TAFA2: variants seen among roughly 807,000 people sequenced by gnomAD.
TAFA2 encodes chemokine-like protein TAFA-2.
TAFA2 carries 7 observed loss-of-function variants against 18.8 expected under a neutral mutation model. The ratio of observed to expected loss-of-function variants is 0.37; its 90% CI spans 0.21 to 0.70. The LOEUF (loss-of-function observed/expected upper bound fraction) is 0.70. TAFA2 is among the 30% of genes least tolerant of loss of function. TAFA2 has a pLI of 0.53. For missense variants in TAFA2, 122 were observed against 158.1 expected, an observed-to-expected ratio of 0.77 and a Z score of 1.23; for synonymous variants, 60 against 54.2, an observed-to-expected ratio of 1.11 and a Z score of -0.47.
At chr12:62,049,910 A>C (rs1882006884) in intron 1 of TAFA2, among the ~76,000 whole-genome samples, 1 of 152,208 alleles carries the variant, frequency 6.6e-6, no homozygotes, top group Non-Finnish European at 1.5e-5. Context: ...TGTTGCTACC[A>C]ATTGTCTATA....
At chr12:62,227,731 C>G (rs535641173) in intron 1 of TAFA2, among the ~76,000 whole-genome samples, 2 of 152,260 alleles carry the variant, frequency 1.3e-5, no homozygotes, top group East Asian at 1.9e-4. Flanking sequence ...CCAAAGTTTT[C>G]TTCTCATAGT....
At chr12:61,758,896 T>C (rs937305377) in intron 2 of TAFA2, among the ~76,000 whole-genome samples, 2 of 151,968 alleles carry the variant, frequency 1.3e-5, no homozygotes, top group African/African-American at 4.8e-5. Flanking sequence ...GGAAAGATGA[T>C]TAGGGCTTCT....
chr12:61,981,429 CA>C (rs1222825312), intron 1 of TAFA2, among the ~76,000 whole-genome samples: 1 of 152,162 alleles, frequency 6.6e-6, no homozygotes, highest in African/African-American at 2.4e-5. Context: ...ACAACAAAAG[CA>C]ATGGCAGTGA....
At chr12:62,045,895 G>A (rs1352379658) in intron 1 of TAFA2, among the ~76,000 whole-genome samples, 1 of 152,104 alleles carries the variant, frequency 6.6e-6, no homozygotes, top group Non-Finnish European at 1.5e-5. Context: ...CAAAAGACAG[G>A]AAAGAATACA....
chr12:62,003,783 T>C (rs1333420964), intron 1 of TAFA2, among the ~76,000 whole-genome samples: 1 of 152,250 alleles, frequency 6.6e-6, no homozygotes, highest in Admixed American at 6.5e-5. Flanking sequence ...GGCTAGTATA[T>C]AGATGTACAA....
At chr12:62,094,005 A>G (rs1009629097) in intron 1 of TAFA2, among the ~76,000 whole-genome samples, 1 of 152,064 alleles carries the variant, frequency 6.6e-6, no homozygotes, top group Non-Finnish European at 1.5e-5. Context: ...TGTAGCCTCC[A>G]GGGTGGCTAC....
chr12:61,861,416 AT>A (rs140861122), intron 2 of TAFA2, among the ~76,000 whole-genome samples: 2 of 151,498 alleles, frequency 1.3e-5, no homozygotes, highest in Non-Finnish European at 1.5e-5. Flanking sequence ...CACCTGGATA[AT>A]TTTTTTTAAT....
chr12:62,251,605 G>C (rs1189691596), intron 1 of TAFA2, among the ~76,000 whole-genome samples: 1 of 152,158 alleles, frequency 6.6e-6, no homozygotes, highest in Non-Finnish European at 1.5e-5. Flanking sequence ...AACACTTGTG[G>C]AAGAAAGGAA....
intron 2 of TAFA2, among the ~76,000 whole-genome samples, chr12:61,826,407 A>T (rs1872539117): frequency 1.3e-5 from 2 of 151,816 alleles, no homozygotes; most frequent in Admixed American, 1.3e-4. Flanking sequence ...TTGATGTAAA[A>T]TAGCTGGCAA....
intron 1 of TAFA2, among the ~76,000 whole-genome samples, chr12:62,125,454 C>T (rs529775267): frequency 2.7e-4 from 41 of 152,224 alleles, no homozygotes; most frequent in African/African-American, 6.3e-4. Flanking sequence ...CATTCACAGA[C>T]GAAGACACTC....
At chr12:61,770,990 C>T (rs1396000794) in intron 2 of TAFA2, among the ~76,000 whole-genome samples, 3 of 151,976 alleles carry the variant, frequency 2.0e-5, no homozygotes, top group African/African-American at 4.8e-5. Context: ...TATCTGCAGT[C>T]TTCAAGAGAC....
intron 2 of TAFA2, among the ~76,000 whole-genome samples, chr12:61,768,853 A>G (rs1040303815): frequency 1.3e-5 from 2 of 151,958 alleles, no homozygotes; most frequent in African/African-American, 4.8e-5. Flanking sequence ...ACAAATGGGG[A>G]GTGCACATAG....
intron 2 of TAFA2, among the ~76,000 whole-genome samples, chr12:61,814,063 T>C (rs1030564458): frequency 9.9e-5 from 15 of 151,464 alleles, no homozygotes; most frequent in Admixed American, 3.3e-4. Flanking sequence ...ATGCAAACAA[T>C]AAGCAGAATC....
chr12:61,720,529 G>A (rs1240313921), intron 4 of TAFA2, among the ~76,000 whole-genome samples: 2 of 152,060 alleles, frequency 1.3e-5, no homozygotes, highest in East Asian at 1.9e-4. Context: ...ATAATCCAAT[G>A]CCTTTCTTTA....
chr12:62,217,966 GTATTTATTTATTTATT>G (rs68172819), intron 1 of TAFA2, among the ~76,000 whole-genome samples: 24,388 of 127,448 alleles, frequency 0.19, 2,412 homozygotes, highest in East Asian at 0.35. Context: ...TTTTATGTAT[GTATTTATTTATTTATT>G]TATTTATTTA....
At chr12:62,182,223 T>C (rs1336315245) in intron 1 of TAFA2, among the ~76,000 whole-genome samples, 1 of 152,190 alleles carries the variant, frequency 6.6e-6, no homozygotes. Context: ...CTTGTATTAA[T>C]ATGTGAAAAA....
intron 1 of TAFA2, among the ~76,000 whole-genome samples, chr12:61,973,895 G>T (rs1382538341): frequency 4.0e-5 from 6 of 151,590 alleles, no homozygotes; most frequent in Non-Finnish European, 8.9e-5. Context: ...GAGAACCAGT[G>T]CTTTAAGCCA....
At chr12:61,756,766 C>T (rs1417955052) in intron 2 of TAFA2, among the ~76,000 whole-genome samples, 1 of 152,006 alleles carries the variant, frequency 6.6e-6, no homozygotes, top group Non-Finnish European at 1.5e-5. Context: ...TTTCAAGTGT[C>T]ACAGGAAACA....
chr12:61,713,216 C>G (rs1869494290), intron 4 of TAFA2, among the ~76,000 whole-genome samples: 1 of 152,158 alleles, frequency 6.6e-6, no homozygotes, highest in African/African-American at 2.4e-5. Context: ...AGGTGGCCAA[C>G]TGTTCAAACT....
Sources: gnomAD v4.1 joint callset for allele counts (sites outside exome capture counted in the v4.1 genomes callset) on GRCh38, gnomAD v4.1.1 for gene constraint, MANE v1.5 for transcripts, NCBI Gene and HGNC (gene_info 2026-07-23, HGNC 2026-07-21) for gene names.